The following SLIT2 variants were observed in gnomAD, a reference collection of about 807,000 sequenced individuals.
SLIT2 encodes slit guidance ligand 2, also known as slit homolog 2 protein.
In SLIT2, 41 loss-of-function variants were observed where a neutral mutation model predicts 185.7. That is an observed-to-expected ratio of 0.22 (90% CI 0.17 to 0.29). The LOEUF (loss-of-function observed/expected upper bound fraction) is 0.29, where lower values mean the gene tolerates loss of function less well. Among genes scored for constraint, SLIT2 ranks in the 10% least tolerant of loss-of-function variants. The probability of loss-of-function intolerance (pLI) is 1.00; values close to 1 mark genes in which losing one functional copy is unlikely to be tolerated. For missense variants in SLIT2, 1,571 were observed against 1,909.0 expected (o/e 0.82, Z 3.30); for synonymous variants, 693 against 680.2 (o/e 1.02, Z -0.29).
At chr4:20,409,210 T>C (rs1325244480) in intron 4 of SLIT2, among the ~76,000 whole-genome samples, 1 of 152,130 alleles carries the variant, frequency 6.6e-6, no homozygotes, top group Non-Finnish European at 1.5e-5. Context: ...TTCCTGATGC[T>C]CTCCTTCCTC....
rs1722268325 is a variant in SLIT2, at chr4:20,254,085, C to G, written c.179+91C>G. On this transcript the variant is annotated intron_variant, in intron 1 of 36. Transcript: ENST00000504154. The surrounding 1 kb of genome is among the most constrained non-coding windows in gnomAD (Gnocchi z 5.1). Reference sequence around the variant, plus strand: ...GAACCTGTCAGCTCAGGGTCCTGTGCCTGGGGCAGCCCTCGCTAGCTCTCC... The same window carrying G: ...GAACCTGTCAGCTCAGGGTCCTGTGGCTGGGGCAGCCCTCGCTAGCTCTCC... 2.2e-5 allele frequency: 29 copies of G among 1,312,348 alleles called. 2 individuals carry two copies. Among genetic ancestry groups the G allele is most frequent in the Middle Eastern group, 3.8e-4 (2 of 5,248 alleles). 81.3% of individuals were successfully genotyped at this position (1,312,348 alleles called of 1,614,324 possible).
At chr4:20,267,700 T>C (rs890660030) in intron 3 of SLIT2, among the ~76,000 whole-genome samples, 2 of 151,876 alleles carry the variant, frequency 1.3e-5, no homozygotes, top group African/African-American at 4.8e-5. Flanking sequence ...ATTTCTGCCC[T>C]CTGGAGACTA....
At chr4:20,599,000 C>G (rs1728204889) in intron 33 of SLIT2, among the ~76,000 whole-genome samples, 1 of 152,124 alleles carries the variant, frequency 6.6e-6, no homozygotes, top group Admixed American at 6.6e-5. Context: ...TGAAGATATC[C>G]AGCACTGTGA....
At chr4:20,544,616 T>C (rs1723094797) in intron 21 of SLIT2, among the ~76,000 whole-genome samples, 1 of 152,176 alleles carries the variant, frequency 6.6e-6, no homozygotes, top group Non-Finnish European at 1.5e-5. Flanking sequence ...GCAGAATCCT[T>C]CTTAGCAGTA....
At chr4:20,291,158 C>G (rs563448235) in intron 4 of SLIT2, among the ~76,000 whole-genome samples, 2 of 152,142 alleles carry the variant, frequency 1.3e-5, no homozygotes, top group Admixed American at 1.3e-4. Context: ...ACCAGAGATA[C>G]TTTTCCAAAT....
At chr4:20,509,065 G>A (rs76129959) in intron 9 of SLIT2, among the ~76,000 whole-genome samples, 2,332 of 151,566 alleles carry the variant, frequency 0.015, 66 homozygotes, top group African/African-American at 0.053. Flanking sequence ...TATTACCAAC[G>A]TTCAATAAAA....
At chr4:20,574,110 A>C (rs1725862973) in intron 29 of SLIT2, among the ~76,000 whole-genome samples, 1 of 151,778 alleles carries the variant, frequency 6.6e-6, no homozygotes, top group Non-Finnish European at 1.5e-5. Flanking sequence ...GTCCGCCGCC[A>C]TGCTTGGCTA....
chr4:20,582,932 C>G (rs903939997), intron 29 of SLIT2, among the ~76,000 whole-genome samples: 3 of 152,120 alleles, frequency 2.0e-5, no homozygotes, highest in African/African-American at 7.2e-5. Context: ...GCTTCTTCAG[C>G]CAGATACCCT....
chr4:20,580,065 T>TTATA (rs35298444), intron 29 of SLIT2, among the ~76,000 whole-genome samples: 2 of 138,558 alleles, frequency 1.4e-5, no homozygotes, highest in African/African-American at 2.7e-5. Flanking sequence ...TATGTATATA[T>TTATA]TATATATATA....
In SLIT2 at chr4:20,373,997, GAGAC is replaced by G. The variant is rs567459885; in HGVS notation, c.396-93752_396-93749del. 5.7e-4 allele frequency among the ~76,000 whole-genome samples: 87 copies of G among 152,228 alleles called. No individual in the cohort carries two copies. The South Asian group carries it at 0.014, about 25-fold the overall frequency. On this transcript the variant is annotated intron_variant, in intron 4 of 36. Transcript: ENST00000504154. ...TCTTAGAAATTGCTGTCATCTGTGA[GAGAC>G]AGTGTGTGTAGTGGCTAAACCAATA...
chr4:20,285,490 T>C lies in SLIT2; in HGVS notation c.395+16609T>C, dbSNP rs6850101. On this transcript the variant is annotated intron_variant, in intron 4 of 36. Coordinates refer to ENST00000504154, the MANE Select transcript of SLIT2 (RefSeq NM_004787.4). ...AGATAAGCACACTGACACTGATACT[T>C]CATATGTATTGCAGCAGGCAGGCTG... Among the ~76,000 whole-genome samples, 386 of 152,340 alleles carry C rather than the reference T, an allele frequency of 2.5e-3. 2 individuals carry two copies. Among genetic ancestry groups the C allele is most frequent in the Non-Finnish European group, 4.4e-3 (299 of 68,034 alleles).
chr4:20,577,793 A>G (rs1355363036), intron 29 of SLIT2, among the ~76,000 whole-genome samples: 1 of 152,202 alleles, frequency 6.6e-6, no homozygotes, highest in Non-Finnish European at 1.5e-5. Flanking sequence ...CAAATGGGAA[A>G]TGTATACTTT....
chr4:20,424,780 T>C (rs1577632091), intron 4 of SLIT2, among the ~76,000 whole-genome samples: 1 of 152,228 alleles, frequency 6.6e-6, no homozygotes, highest in East Asian at 1.9e-4. Context: ...ATTTACCAGG[T>C]GTTCATTACC....
At chr4:20,355,672 A>C (rs1722260191) in intron 4 of SLIT2, among the ~76,000 whole-genome samples, 1 of 152,186 alleles carries the variant, frequency 6.6e-6, no homozygotes, top group Non-Finnish European at 1.5e-5. Flanking sequence ...ACTCTAAGAA[A>C]ACTGTATGAT....
chr4:20,310,604 T>C (rs1460756983), intron 4 of SLIT2, among the ~76,000 whole-genome samples: 3 of 152,226 alleles, frequency 2.0e-5, no homozygotes, highest in Non-Finnish European at 4.4e-5. Context: ...TGGTACTAAA[T>C]GGACTTGCTG....
At chr4:20,369,325 C>A (rs1412916276) in intron 4 of SLIT2, among the ~76,000 whole-genome samples, 1 of 151,984 alleles carries the variant, frequency 6.6e-6, no homozygotes, top group African/African-American at 2.4e-5. Flanking sequence ...GCTGTTGAGG[C>A]AGAGGTTCCT....
At chr4:20,376,302 A>G (rs1192024029) in intron 4 of SLIT2, among the ~76,000 whole-genome samples, 3 of 152,032 alleles carry the variant, frequency 2.0e-5, no homozygotes, top group African/African-American at 7.2e-5. Context: ...ACATTTCAGT[A>G]TTGTTACAAA....
intron 4 of SLIT2, among the ~76,000 whole-genome samples, chr4:20,452,676 T>C (rs535388706): frequency 2.7e-4 from 41 of 152,354 alleles, no homozygotes; most frequent in African/African-American, 7.9e-4. Context: ...TCTTTCTTTC[T>C]TACTCCAACA....
intron 4 of SLIT2, among the ~76,000 whole-genome samples, chr4:20,280,269 G>C (rs1714600798): frequency 1.3e-5 from 2 of 149,598 alleles, no homozygotes; most frequent in Admixed American, 6.7e-5. Context: ...GGAGGCGGAG[G>C]TTGCAGTGAG....
Sources: allele counts gnomAD v4.1 joint callset (sites outside exome capture counted in the v4.1 genomes callset), GRCh38; gene constraint gnomAD v4.1.1; non-coding constraint Gnocchi (gnomAD v3.1); transcripts MANE v1.5; gene names NCBI Gene and HGNC (gene_info 2026-07-23, HGNC 2026-07-21).